SYNE1: variants seen among roughly 807,000 people sequenced by gnomAD.
SYNE1 encodes the protein spectrin repeat containing nuclear envelope protein 1.
A neutral mutation model predicts 1,111.0 loss-of-function variants in SYNE1; 616 were observed. The observed-to-expected ratio is 0.55, with a 90% CI of 0.52 to 0.59. The LOEUF (loss-of-function observed/expected upper bound fraction) is 0.59, where lower values mean the gene tolerates loss of function less well. Among genes scored for constraint, SYNE1 ranks in the 20% least tolerant of loss-of-function variants. SYNE1 has a pLI of 0.00. For missense variants in SYNE1, 10,006 were observed against 10,417.0 expected (o/e 0.96, Z 1.72); for synonymous variants, 3,855 against 3,825.8 (o/e 1.01, Z -0.28).
At chr6:152,178,285 T>G (rs2153156611) in intron 129 of SYNE1, among the ~76,000 whole-genome samples, 1 of 152,294 alleles carries the variant, frequency 6.6e-6, no homozygotes, top group East Asian at 1.9e-4. Context: ...AATCAAAATT[T>G]ATTCTATAGC....
chr6:152,410,948 C>T (rs953274214), intron 42 of SYNE1, among the ~76,000 whole-genome samples: 24 of 152,124 alleles, frequency 1.6e-4, no homozygotes, highest in African/African-American at 5.6e-4. Flanking sequence ...GGACACTGTG[C>T]AACCTCTAAG....
intron 6 of SYNE1, among the ~76,000 whole-genome samples, chr6:152,513,709 A>T (rs769273295): frequency 1.3e-5 from 2 of 152,202 alleles, no homozygotes; most frequent in African/African-American, 2.4e-5. Flanking sequence ...AGAATGGGAG[A>T]AAATTTTTGC....
At chr6:152,293,930 G>A in intron 94 of SYNE1, 30 bp downstream of exon 94, 2 of 1,613,752 alleles carry the variant, frequency 1.2e-6, no homozygotes, top group Non-Finnish European at 8.5e-7. Flanking sequence ...GTGTCTGGTG[G>A]GCATAAACTA....
rs531588146 is a variant in SYNE1, at chr6:152,496,106, G to A, written c.939+2636C>T. ...CTACCTGCTAATAGGACAGGCACGT[G>A]CACACTAGTTTTCCTTACTCCCAAA... On this transcript the variant is annotated intron_variant, in intron 11 of 145. Transcript: ENST00000367255. Among the ~76,000 whole-genome samples the A allele has an allele frequency of 2.6e-5, 4 of 152,214 alleles. No homozygotes were observed. The South Asian group carries it at 8.3e-4, about 32-fold the overall frequency.
At chr6:152,128,204 C>T in intron 145 of SYNE1, 1 of 152,154 alleles carries the variant, frequency 6.6e-6, no homozygotes, top group East Asian at 1.9e-4. Flanking sequence ...CCAGCTAGAC[C>T]ATCATAAGCA....
At chr6:152,617,960 A>G (rs2099664202) in intron 3 of SYNE1, among the ~76,000 whole-genome samples, 1 of 152,194 alleles carries the variant, frequency 6.6e-6, no homozygotes, top group African/African-American at 2.4e-5. Context: ...GTAGAAATGA[A>G]AAAAGGAAGG....
In SYNE1 at chr6:152,211,577, G is replaced by A. The variant is rs764372064; in HGVS notation, c.22506C>T (p.Ala7502=). The change falls in exon 124 of 146, where the codon GCC becomes GCT. Residue 7502 remains alanine (A), a synonymous_variant. Coordinates refer to ENST00000367255, the MANE Select transcript of SYNE1 (RefSeq NM_182961.4). ...AAATCTGCTGACGACTGAACATCTCGGCTTGAAACAACTATAATTTAAAAA... is the reference window on the plus strand; with the variant it reads ...AAATCTGCTGACGACTGAACATCTCAGCTTGAAACAACTATAATTTAAAAA... ...EQQRAHELFQ[A]EMFSRQQILH... is the part of the protein sequence containing the mutation. The A allele has an allele frequency of 3.7e-6, 6 of 1,612,906 alleles. No homozygotes were observed. The highest frequency in any genetic ancestry group is 1.7e-5 in the Admixed American group (1 of 59,930).
In SYNE1 at chr6:152,180,175, T is replaced by C; in HGVS notation, c.23421A>G (p.Gly7807=). 1 of 1,614,088 alleles carries C rather than the reference T, an allele frequency of 6.2e-7. No individual in the cohort carries two copies. Among genetic ancestry groups the C allele is most frequent in the Non-Finnish European group, 8.5e-7 (1 of 1,179,986 alleles). Residue 7807 remains glycine, a synonymous_variant, in exon 129 of 146, where the codon GGA becomes GGG. Coordinates refer to ENST00000367255, the MANE Select transcript of SYNE1 (RefSeq NM_182961.4). The part of the protein sequence containing the change: ...TQMESKVSQN[G]DILIEEMIEK... ...CTATCATTTCTTCAATGAGAATGTC[T>C]CCATTCTGAGAAACTTTGCTTTCCA...
chr6:152,193,693 A>G (rs1218394743), intron 127 of SYNE1, among the ~76,000 whole-genome samples: 2 of 152,078 alleles, frequency 1.3e-5, no homozygotes, highest in Non-Finnish European at 2.9e-5. Flanking sequence ...TGATCAGCTC[A>G]TCTTTTCATC....
At chr6:152,261,264 C>T (rs1243051045) in intron 101 of SYNE1, among the ~76,000 whole-genome samples, 1 of 152,234 alleles carries the variant, frequency 6.6e-6, no homozygotes, top group Non-Finnish European at 1.5e-5. Context: ...AGTCTTGTAT[C>T]TGAAGAATTC....
intron 38 of SYNE1, among the ~76,000 whole-genome samples, chr6:152,426,377 C>T (rs1041007436): frequency 2.6e-5 from 4 of 152,160 alleles, no homozygotes; most frequent in Non-Finnish European, 2.9e-5. Context: ...AGCAGAACTG[C>T]GACTTATGCT....
intron 145 of SYNE1, chr6:152,125,459 C>T: frequency 1.5e-6 from 2 of 1,343,790 alleles, no homozygotes; most frequent in Non-Finnish European, 2.0e-6. Context: ...GTAAATTAGT[C>T]TCTCTGGCCT....
intron 3 of SYNE1, among the ~76,000 whole-genome samples, chr6:152,601,195 T>C (rs1034334976): frequency 6.6e-5 from 10 of 151,986 alleles, no homozygotes; most frequent in African/African-American, 2.4e-4. Context: ...ATTGGTAGAG[T>C]TCAACAGTGA....
chr6:152,201,703 T>C, intron 127 of SYNE1, 121 bp downstream of exon 127: 1 of 1,465,850 alleles, frequency 6.8e-7, no homozygotes, highest in Non-Finnish European at 9.5e-7. Flanking sequence ...TGTCCTTATG[T>C]CATATACTAG....
At chr6:152,537,448 T>C (rs1397080707) in intron 4 of SYNE1, among the ~76,000 whole-genome samples, 1 of 152,006 alleles carries the variant, frequency 6.6e-6, no homozygotes, top group Non-Finnish European at 1.5e-5. Context: ...TTTTTACTTA[T>C]AATAATTAAC....
intron 117 of SYNE1, among the ~76,000 whole-genome samples, chr6:152,224,178 A>G (rs970683781): frequency 7.2e-5 from 11 of 152,232 alleles, no homozygotes; most frequent in African/African-American, 2.4e-4. Context: ...GAGAAAAGGA[A>G]GACAAAAGGC....
chr6:152,279,672 G>A (rs2153715798), intron 97 of SYNE1, among the ~76,000 whole-genome samples: 1 of 145,364 alleles, frequency 6.9e-6, no homozygotes, highest in Non-Finnish European at 1.5e-5. Flanking sequence ...GGCTGAGGTT[G>A]CACCACTGCT....
At chr6:152,288,055 A>T (rs1422249157) in intron 95 of SYNE1, among the ~76,000 whole-genome samples, 2 of 152,190 alleles carry the variant, frequency 1.3e-5, no homozygotes, top group Non-Finnish European at 2.9e-5. Flanking sequence ...CTGAATGCTA[A>T]AAGTATAAAA....
rs771067418 is a variant in SYNE1, at chr6:152,330,936, A to AC, written c.13748_13749insG (p.Ile4583MetfsTer6). On this transcript the variant is annotated frameshift_variant, in exon 78 of 146. Coordinates refer to ENST00000367255, the MANE Select transcript of SYNE1 (RefSeq NM_182961.4). LOFTEE classifies it high-confidence loss of function. ...TTAGGTTGATTTCAGGAAATGTAACAATATCTGCTTGTTTTAGCCAGTGGC... is the reference window on the plus strand; with the variant it reads ...TTAGGTTGATTTCAGGAAATGTAACACATATCTGCTTGTTTTAGCCAGTGGC... 1.3e-5 allele frequency: 21 copies of AC among 1,614,050 alleles called. No homozygotes were observed. Among genetic ancestry groups the AC allele is most frequent in the Non-Finnish European group, 1.8e-5 (21 of 1,179,994 alleles).
Sources: gnomAD v4.1 joint callset for allele counts (sites outside exome capture counted in the v4.1 genomes callset) on GRCh38, gnomAD v4.1.1 for gene constraint, MANE v1.5 for transcripts, NCBI Gene and HGNC (gene_info 2026-07-23, HGNC 2026-07-21) for gene names.